Variants in ZNF536 observed in about 807,000 individuals in gnomAD.
The protein encoded by ZNF536 is zinc finger protein 536.
In ZNF536, 13 loss-of-function variants were observed where a neutral mutation model predicts 84.5. The observed-to-expected ratio is 0.15, with a 90% confidence interval of 0.10 to 0.24. The LOEUF is 0.24. Among genes scored for constraint, ZNF536 ranks in the 10% least tolerant of loss-of-function variants. The probability of loss-of-function intolerance (pLI) is 1.00; values close to 1 mark genes in which losing one functional copy is unlikely to be tolerated. For missense variants in ZNF536, 1,536 were observed against 1,747.5 expected, an observed-to-expected ratio of 0.88 and a Z score of 2.16; for synonymous variants, 811 against 742.5, an observed-to-expected ratio of 1.09 and a Z score of -1.50.
intron 1 of ZNF536, among the ~76,000 whole-genome samples, chr19:30,270,202 C>T (rs1294131996): frequency 1.3e-5 from 2 of 152,158 alleles, no homozygotes; most frequent in African/African-American, 4.8e-5. Context: ...TTCGTGGATA[C>T]AAATCTCTAG....
At chr19:30,393,673 A>G (rs1242254515) in intron 1 of ZNF536, among the ~76,000 whole-genome samples, 8 of 152,132 alleles carry the variant, frequency 5.3e-5, no homozygotes, top group Non-Finnish European at 1.2e-4. Context: ...CAGCAAGTGC[A>G]CAGACCCTGT....
intron 2 of ZNF536, among the ~76,000 whole-genome samples, chr19:30,496,033 G>C (rs1461806203): frequency 6.6e-6 from 1 of 152,190 alleles, no homozygotes; most frequent in Non-Finnish European, 1.5e-5. Context: ...CTGGCACATA[G>C]TAGGTACTTT....
At chr19:30,497,911 A>G (rs184279750) in intron 2 of ZNF536, among the ~76,000 whole-genome samples, 17 of 152,294 alleles carry the variant, frequency 1.1e-4, no homozygotes, top group African/African-American at 3.8e-4. Context: ...CCCTGTCCCC[A>G]TCAGCCATAT....
intron 3 of ZNF536, among the ~76,000 whole-genome samples, chr19:30,542,491 A>G (rs2045371116): frequency 6.6e-6 from 1 of 152,224 alleles, no homozygotes; most frequent in South Asian, 2.1e-4. Flanking sequence ...AATTTCATTA[A>G]TCAATTGGAA....
At chr19:30,342,244 GAC>G (rs1367720747) in intron 2 of ZNF536, among the ~76,000 whole-genome samples, 1 of 152,118 alleles carries the variant, frequency 6.6e-6, no homozygotes. Flanking sequence ...GTTTGCTTTC[GAC>G]ACACAGTGTT....
chr19:30,279,512 C>A (rs1177679012), intron 1 of ZNF536, among the ~76,000 whole-genome samples: 4 of 152,172 alleles, frequency 2.6e-5, no homozygotes, highest in Non-Finnish European at 5.9e-5. Context: ...GAGAATCACT[C>A]AGTGCTTGGA....
At chr19:30,628,387 CAT>C (rs1426955563) in intron 1 of ZNF536, among the ~76,000 whole-genome samples, 3 of 151,842 alleles carry the variant, frequency 2.0e-5, no homozygotes, top group South Asian at 2.1e-4. Flanking sequence ...GGACAGAAAA[CAT>C]AGCACAGCAC....
At chr19:30,491,398 C>G (rs1163587060) in intron 2 of ZNF536, among the ~76,000 whole-genome samples, 1 of 152,150 alleles carries the variant, frequency 6.6e-6, no homozygotes, top group Non-Finnish European at 1.5e-5. Flanking sequence ...GCCAATGACA[C>G]CACAGTGTGT....
At position 30,548,540 on chromosome 19, in the gene ZNF536, A is replaced by C. The variant is rs2146206053; in HGVS notation, c.2921A>C (p.Glu974Ala). Residue 974 changes from glutamate to alanine, a missense_variant, in exon 4 of 5, where the codon GAA becomes GCA. Coordinates refer to ENST00000355537, the MANE Select transcript of ZNF536 (RefSeq NM_014717.3). ...AGGAAGTCCGAGAAATCTCAGTATG[A>C]ACCCCTGGACTTGTCTGTGCGGCCA... ...SQRKSEKSQY[E>A]PLDLSVRPDA... is the part of the protein sequence containing the mutation. The C allele has an allele frequency of 6.2e-7, 1 of 1,614,120 alleles. No homozygotes were observed. The highest frequency in any genetic ancestry group is 8.5e-7 in the Non-Finnish European group (1 of 1,180,038).
intron 2 of ZNF536, among the ~76,000 whole-genome samples, chr19:30,507,461 G>T (rs555131912): frequency 1.4e-4 from 21 of 152,234 alleles, no homozygotes; most frequent in Admixed American, 1.3e-3. Context: ...AAAATAAACT[G>T]TTAGGGATAG....
Position 30,444,291 on chromosome 19 carries a change from G to C in ZNF536, c.729G>C (p.Gln243His), listed in dbSNP as rs780013345. 4 of 1,575,666 alleles carry C rather than the reference G, an allele frequency of 2.5e-6. No homozygotes were observed. In the East Asian group the frequency reaches 9.2e-5, roughly 36 times the overall value. ...TGGCCGCCTGCACCCTGGCCCTGCA[G>C]GCTAACCACAGCGTTCCCGACGTGG... ...APLAACTLAL[Q>H]ANHSVPDVAH... Residue 243 changes from glutamine (Q) to histidine (H), a missense_variant, in exon 2 of 5, where the codon CAG (glutamine) becomes CAC (histidine). By Grantham distance (24) the Gln-to-His change is conservative (BLOSUM62 0). Transcript: ENST00000355537.
At chr19:30,416,214 C>T (rs2147783280) in intron 1 of ZNF536, among the ~76,000 whole-genome samples, 1 of 150,550 alleles carries the variant, frequency 6.6e-6, no homozygotes, top group Middle Eastern at 3.5e-3. Flanking sequence ...TCCTTTCTCT[C>T]TTTATGGTTG....
At chr19:30,419,180 A>G (rs1260615799) in intron 1 of ZNF536, among the ~76,000 whole-genome samples, 1 of 152,318 alleles carries the variant, frequency 6.6e-6, no homozygotes, top group African/African-American at 2.4e-5. Context: ...TATCATGGGC[A>G]TGTTCCCATC....
At chr19:30,303,827 A>G (rs1370123034) in intron 2 of ZNF536, among the ~76,000 whole-genome samples, 1 of 152,120 alleles carries the variant, frequency 6.6e-6, no homozygotes, top group Non-Finnish European at 1.5e-5. Context: ...AGCAGATACT[A>G]TCGGTGCCCC....
At chr19:30,537,510 A>T (rs2045136330) in intron 3 of ZNF536, among the ~76,000 whole-genome samples, 1 of 152,186 alleles carries the variant, frequency 6.6e-6, no homozygotes, top group South Asian at 2.1e-4. Context: ...GCAGGGTGTA[A>T]GAGTCAGTGA....
At chr19:30,709,260 C>T (rs1240947208) in intron 1 of ZNF536, among the ~76,000 whole-genome samples, 2 of 152,168 alleles carry the variant, frequency 1.3e-5, no homozygotes, top group Non-Finnish European at 2.9e-5. Context: ...TCAAAATCTA[C>T]CTTCTTTAAA....
chr19:30,643,262 C>T lies in ZNF536; in HGVS notation c.170-67495C>T, dbSNP rs528577959. Among the ~76,000 whole-genome samples, 11 of 152,256 alleles carry T rather than the reference C, an allele frequency of 7.2e-5. No homozygotes were observed. The South Asian group carries it at 2.3e-3, about 32-fold the overall frequency. ...TGTGCTAAAATGTCACTGAACTTTG[C>T]AAGTTACTTAATTTGCTGGGGTATT... is the stretch of plus-strand genomic sequence containing the variant. On this transcript the variant is annotated intron_variant, in intron 1 of 1. Transcript: ENST00000592773.
chr19:30,687,830 T>G (rs2051249187), intron 1 of ZNF536, among the ~76,000 whole-genome samples: 1 of 145,866 alleles, frequency 6.9e-6, no homozygotes, highest in South Asian at 2.2e-4. Context: ...CATTCTGACC[T>G]TTGGATTTTT....
At position 30,255,664 on chromosome 19, in the gene ZNF536, A is replaced by C. The variant is rs189260033; in HGVS notation, c.-190+26991A>C. ...ATTGAAATCTGGAGACAATAAAAAA[A>C]ATGTCTTTCTGCAACTTCAATACAG... On this transcript the variant is annotated intron_variant, in intron 1 of 5. Transcript: ENST00000585628. Among the ~76,000 whole-genome samples the C allele has an allele frequency of 2.6e-5, 4 of 152,220 alleles. No homozygotes were observed. In the East Asian group the frequency reaches 7.7e-4, roughly 29 times the overall value.
Sources: gnomAD v4.1 joint callset for allele counts (sites outside exome capture counted in the v4.1 genomes callset) on GRCh38, gnomAD v4.1.1 for gene constraint, MANE v1.5 for transcripts, NCBI Gene and HGNC (gene_info 2026-07-23, HGNC 2026-07-21) for gene names.